Variants in TMEM8B observed in about 807,000 individuals in gnomAD.
The protein encoded by TMEM8B is transmembrane protein 8B.
In TMEM8B, 29 loss-of-function variants were observed where a neutral mutation model predicts 49.3. The ratio of observed to expected loss-of-function variants is 0.59; its 90% CI spans 0.44 to 0.80. The LOEUF (loss-of-function observed/expected upper bound fraction) is 0.80, where lower values mean the gene tolerates loss of function less well. TMEM8B is among the 30% of genes least tolerant of loss of function. The probability of loss-of-function intolerance (pLI) is 0.00; values close to 1 mark genes in which losing one functional copy is unlikely to be tolerated. For synonymous variants in TMEM8B, 264 were observed against 272.8 expected (o/e 0.97, Z 0.32); for missense variants, 575 against 658.5 (o/e 0.87, Z 1.39).
chr9:35,838,180 A>G (rs1345595710), intron 3 of TMEM8B, among the ~76,000 whole-genome samples: 1 of 152,158 alleles, frequency 6.6e-6, no homozygotes, highest in Non-Finnish European at 1.5e-5. Flanking sequence ...TTGAATAGGC[A>G]ATCCATGCAC....
rs1832567128 is a variant in TMEM8B at position 35,857,192 on chromosome 9, C to T, written c.*3352C>T. The T allele has an allele frequency of 6.6e-6, 1 of 152,260 alleles. No homozygotes were observed. The highest frequency in any genetic ancestry group is 1.5e-5 in the Non-Finnish European group (1 of 68,062). 9.4% of individuals were successfully genotyped at this position (152,260 alleles called of 1,614,324 possible). ...TTCTGAAAGCTTCTGAGTGACAATT[C>T]AGTCCCGCAAACCTTCCATAGGGAA... On this transcript the variant is annotated 3_prime_UTR_variant, in exon 13 of 13. Transcript: ENST00000643932.
At chr9:35,833,330 G>A in intron 1 of TMEM8B, 1 of 985,280 alleles carries the variant, frequency 1.0e-6, no homozygotes, top group African/African-American at 1.7e-5. Context: ...CTTCTCACCT[G>A]TCCTGGAGGT....
chr9:35,841,091 C>A lies in TMEM8B; in HGVS notation c.907-43C>A, dbSNP rs1830941157. 4.8e-6 allele frequency: 2 copies of A among 415,000 alleles called. No homozygotes were observed. The highest frequency in any genetic ancestry group is 8.8e-6 in the Non-Finnish European group (2 of 226,374). The allele number at this position is 415,000 out of a possible 1,614,324, so 25.7% of individuals were successfully genotyped here. A position where few individuals can be genotyped will look rare whatever the true frequency, so the allele number is the denominator to read the frequency against. ...CTGTTTGCCTTGGTTTAGTCACACCCCTGCTGTCTCTCCCTCTCCTGCCAC... is the reference window on the plus strand; with the variant it reads ...CTGTTTGCCTTGGTTTAGTCACACCACTGCTGTCTCTCCCTCTCCTGCCAC... On this transcript the variant is annotated intron_variant, in intron 3 of 12. Coordinates refer to ENST00000643932, the MANE Select transcript of TMEM8B (RefSeq NM_001042590.4). The surrounding 1 kb of genome is among the most constrained non-coding windows in gnomAD (Gnocchi z 5.9).
rs1212481008 is a variant in TMEM8B at position 35,855,285 on chromosome 9, C to T, written c.*1445C>T. 1.3e-5 allele frequency: 2 copies of T among 152,068 alleles called. No individual in the cohort carries two copies. The highest frequency in any genetic ancestry group is 2.9e-5 in the Non-Finnish European group (2 of 68,014). The allele number at this position is 152,068 out of a possible 1,614,324, so 9.4% of individuals were successfully genotyped here. Reference sequence around the variant, plus strand: ...GGGGTGTGGAGCTCAGGGACTCTTCCTTTTGGGACCCTCTGTGTCAGTATT... The same window carrying T: ...GGGGTGTGGAGCTCAGGGACTCTTCTTTTTGGGACCCTCTGTGTCAGTATT... On this transcript the variant is annotated 3_prime_UTR_variant, in exon 13 of 13. Coordinates refer to ENST00000643932, the MANE Select transcript of TMEM8B (RefSeq NM_001042590.4).
At chr9:35,846,640 C>T in intron 9 of TMEM8B, 29 bp downstream of exon 9, 2 of 1,569,942 alleles carry the variant, frequency 1.3e-6, no homozygotes, top group Non-Finnish European at 1.7e-6. Flanking sequence ...GAGCGGGCTG[C>T]GGTGGACTGG....
chr9:35,835,251 G>T, intron 3 of TMEM8B, 33 bp downstream of exon 3: 1 of 414,750 alleles, frequency 2.4e-6, no homozygotes, highest in South Asian at 1.3e-4. Flanking sequence ...CGGGGGTCCA[G>T]AACTGCCCTT....
intron 1 of TMEM8B, chr9:35,833,427 C>T (rs1830110489): frequency 3.2e-6 from 3 of 934,668 alleles, no homozygotes; most frequent in Non-Finnish European, 3.8e-6. Context: ...CCTTGCCTGC[C>T]ATTTGGGACC....
intron 6 of TMEM8B, chr9:35,845,642 A>C: frequency 1.0e-6 from 1 of 985,464 alleles, no homozygotes; most frequent in Non-Finnish European, 1.2e-6. Context: ...AACTGGCAAC[A>C]GCCCTCCTTC....
chr9:35,853,682 G>A lies in TMEM8B; in HGVS notation c.2617G>A (p.Val873Met). 1 of 1,614,198 alleles carries A rather than the reference G, an allele frequency of 6.2e-7. No homozygotes were observed. Among genetic ancestry groups the A allele is most frequent in the Non-Finnish European group, 8.5e-7 (1 of 1,180,032 alleles). The change falls in exon 13 of 13, where the codon GTG becomes ATG. Residue 873 changes from valine to methionine, a missense_variant. By Grantham distance (21) the Val-to-Met change is conservative. Coordinates refer to ENST00000643932, the MANE Select transcript of TMEM8B (RefSeq NM_001042590.4). The surrounding 1 kb of genome is among the most constrained non-coding windows in gnomAD (Gnocchi z 4.2). Reference sequence around the variant, plus strand: ...TTGGCATATGCTCATTGCGGGCAGTGTGGGCTTCCTGCTGCCCCCTCGTGC... The same window carrying A: ...TTGGCATATGCTCATTGCGGGCAGTATGGGCTTCCTGCTGCCCCCTCGTGC... ...SIWHMLIAGS[V>M]GFLLPPRAKT...
chr9:35,836,366 T>C (rs891457292), intron 3 of TMEM8B, among the ~76,000 whole-genome samples: 7 of 152,222 alleles, frequency 4.6e-5, no homozygotes, highest in Non-Finnish European at 8.8e-5. Context: ...TGAGGGTTCT[T>C]CTGTTAGAAG....
Position 35,841,360 on chromosome 9 carries a change from C to T in TMEM8B, c.1040+93C>T. On this transcript the variant is annotated intron_variant, in intron 4 of 12. Coordinates refer to ENST00000643932, the MANE Select transcript of TMEM8B (RefSeq NM_001042590.4). The surrounding 1 kb of genome is among the most constrained non-coding windows in gnomAD (Gnocchi z 5.9). Reference sequence around the variant, plus strand: ...TCTCTTGGCTTCTCCACCTACCTGCCTGGTCCCTGGGTGGGATCCCTGCCT... The same window carrying T: ...TCTCTTGGCTTCTCCACCTACCTGCTTGGTCCCTGGGTGGGATCCCTGCCT... 1 of 414,750 alleles carries T rather than the reference C, an allele frequency of 2.4e-6. No individual in the cohort carries two copies. The highest frequency in any genetic ancestry group is 4.4e-6 in the Non-Finnish European group (1 of 227,158). The allele number at this position is 414,750 out of a possible 1,614,324, so 25.7% of individuals were successfully genotyped here.
rs932322429 is a variant in TMEM8B, at chr9:35,829,410, C to A, written c.-38C>A. Reference sequence around the variant, plus strand: ...GCCGCGGGCCAGCTCTGCGAGCGCCCCGCGCTGGCCTGTCCGGCCCCGCCC... The same window carrying A: ...GCCGCGGGCCAGCTCTGCGAGCGCCACGCGCTGGCCTGTCCGGCCCCGCCC... On this transcript the variant is annotated 5_prime_UTR_variant, in exon 1 of 13. Transcript: ENST00000643932. 4 of 345,980 alleles carry A rather than the reference C, an allele frequency of 1.2e-5. No homozygotes were observed. Among genetic ancestry groups the A allele is most frequent in the African/African-American group, 8.7e-5 (4 of 46,204 alleles). The allele number at this position is 345,980 out of a possible 1,614,324, so 21.4% of individuals were successfully genotyped here. A position where few individuals can be genotyped will look rare whatever the true frequency, so the allele number is the denominator to read the frequency against.
In TMEM8B at chr9:35,860,188, G is replaced by A. The variant is rs1832626010; in HGVS notation, c.*6348G>A. The stretch of plus-strand genomic sequence containing the variant: ...CTGCAGTTCTGTGGACGTCACTGAG[G>A]GGAGGATGGGGCACATTCTAGTCCC... On this transcript the variant is annotated 3_prime_UTR_variant, in exon 13 of 13. Transcript: ENST00000643932. The A allele has an allele frequency of 6.6e-6, 1 of 152,228 alleles. No individual in the cohort carries two copies. The highest frequency in any genetic ancestry group is 1.5e-5 in the Non-Finnish European group (1 of 68,048). 9.4% of individuals were successfully genotyped at this position (152,228 alleles called of 1,614,324 possible).
rs1830991436 is a variant in TMEM8B, at chr9:35,841,580, G to C, written c.1095G>C (p.Gly365=). 2.4e-6 allele frequency: 1 copy of C among 416,680 alleles called. No individual in the cohort carries two copies. Among genetic ancestry groups the C allele is most frequent in the South Asian group, 1.2e-4 (1 of 8,042 alleles). 25.8% of individuals were successfully genotyped at this position (416,680 alleles called of 1,614,324 possible). Reference sequence around the variant, plus strand: ...TTTCAGCACAGCTGGTGTGTGTGGGGGGCCGTGGGGTATCTGCCTGCCCCC... The same window carrying C: ...TTTCAGCACAGCTGGTGTGTGTGGGCGGCCGTGGGGTATCTGCCTGCCCCC... The part of the protein sequence containing the change: ...YRVSAQLVCV[G]GRGVSACPLS... Residue 365 remains glycine, a synonymous_variant, in exon 5 of 13, where the codon GGG becomes GGC. Transcript: ENST00000643932. This position sits in a 1 kb window ranked among gnomAD's most constrained non-coding sequence, Gnocchi z 5.9.
intron 1 of TMEM8B, among the ~76,000 whole-genome samples, chr9:35,831,043 C>A (rs996671099): frequency 6.6e-6 from 1 of 152,100 alleles, no homozygotes; most frequent in Non-Finnish European, 1.5e-5. Flanking sequence ...AACAGAACAG[C>A]TGGGGGGTGG....
intron 10 of TMEM8B, chr9:35,847,250 T>C: frequency 9.1e-7 from 1 of 1,099,374 alleles, no homozygotes; most frequent in Non-Finnish European, 1.4e-6. Flanking sequence ...TTCCACACTC[T>C]GTCCACCCTG....
chr9:35,853,344 C>G lies in TMEM8B; in HGVS notation c.2439+87C>G. On this transcript the variant is annotated intron_variant, in intron 12 of 12. Coordinates refer to ENST00000643932, the MANE Select transcript of TMEM8B (RefSeq NM_001042590.4). This position sits in a 1 kb window ranked among gnomAD's most constrained non-coding sequence, Gnocchi z 4.2. ...TATCTGGTCCCCAGTTTAAGGTGGG[C>G]TTGGCTCTGTCGTCATCACCTGCTG... The G allele has an allele frequency of 6.8e-7, 1 of 1,464,862 alleles. No individual in the cohort carries two copies. The highest frequency in any genetic ancestry group is 9.4e-7 in the Non-Finnish European group (1 of 1,059,244). 90.7% of individuals were successfully genotyped at this position (1,464,862 alleles called of 1,614,324 possible). A position where few individuals can be genotyped will look rare whatever the true frequency, so the allele number is the denominator to read the frequency against.
chr9:35,835,802 A>C (rs1455817674), intron 3 of TMEM8B, among the ~76,000 whole-genome samples: 1 of 152,214 alleles, frequency 6.6e-6, no homozygotes, highest in East Asian at 1.9e-4. Context: ...CTTTTCTCCA[A>C]ATATCAGCCA....
At position 35,862,776 on chromosome 9, in the gene TMEM8B, G is replaced by A. The variant is rs1051737085; in HGVS notation, c.*8936G>A. The A allele has an allele frequency of 2.0e-5, 3 of 152,166 alleles. No homozygotes were observed. Among genetic ancestry groups the A allele is most frequent in the Non-Finnish European group, 4.4e-5 (3 of 68,048 alleles). 9.4% of individuals were successfully genotyped at this position (152,166 alleles called of 1,614,324 possible). A position where few individuals can be genotyped will look rare whatever the true frequency, so the allele number is the denominator to read the frequency against. On this transcript the variant is annotated 3_prime_UTR_variant, in exon 13 of 13. Coordinates refer to ENST00000643932, the MANE Select transcript of TMEM8B (RefSeq NM_001042590.4). ...ATGGCTTCATAAAACTGACCACCCG[G>A]ACAACAAGATGGTCACACAGCTATT...
Sources: allele counts gnomAD v4.1 joint callset (sites outside exome capture counted in the v4.1 genomes callset), GRCh38; gene constraint gnomAD v4.1.1; non-coding constraint Gnocchi (gnomAD v3.1); transcripts MANE v1.5; gene names NCBI Gene and HGNC (gene_info 2026-07-23, HGNC 2026-07-21).